Variants in COX16 observed in about 807,000 individuals in gnomAD.
COX16 encodes the protein cytochrome c oxidase assembly factor COX16.
COX16 carries 12 observed loss-of-function variants against 15.4 expected under a neutral mutation model. The observed-to-expected ratio is 0.78, with a 90% confidence interval of 0.50 to 1.26. The LOEUF (loss-of-function observed/expected upper bound fraction) is 1.26. Ranked by LOEUF, COX16 falls within the 50% of genes most tolerant of loss-of-function variation. COX16 has a pLI of 0.00. For missense variants in COX16, 124 were observed against 127.6 expected (o/e 0.97, Z 0.14); for synonymous variants, 46 against 41.1 (o/e 1.12, Z -0.46).
intron 2 of COX16, among the ~76,000 whole-genome samples, chr14:70,340,546 G>A (rs1886594384): frequency 2.6e-5 from 4 of 152,046 alleles, no homozygotes; most frequent in South Asian, 4.2e-4. Flanking sequence ...ATTATTGCTG[G>A]AACTCATTAA....
chr14:70,355,178 T>G (rs1887089494), intron 1 of COX16, among the ~76,000 whole-genome samples: 1 of 152,226 alleles, frequency 6.6e-6, no homozygotes, highest in East Asian at 1.9e-4. Flanking sequence ...CTACTCTCTC[T>G]TAGATCCATT....
intron 2 of COX16, among the ~76,000 whole-genome samples, chr14:70,336,893 G>T (rs1173638260): frequency 2.6e-5 from 4 of 152,074 alleles, no homozygotes; most frequent in African/African-American, 9.7e-5. Flanking sequence ...AAAGTAATTT[G>T]CAAAACAAAA....
Position 70,325,826 on chromosome 14 carries a change from A to G in COX16, c.*507T>C, listed in dbSNP as rs1886050565. 6.6e-6 allele frequency: 1 copy of G among 152,180 alleles called. No individual in the cohort carries two copies. Among genetic ancestry groups the G allele is most frequent in the African/African-American group, 2.4e-5 (1 of 41,422 alleles). The allele number at this position is 152,180 out of a possible 1,614,324, so 9.4% of individuals were successfully genotyped here. A position where few individuals can be genotyped will look rare whatever the true frequency, so the allele number is the denominator to read the frequency against. On this transcript the variant is annotated 3_prime_UTR_variant, in exon 4 of 4. Transcript: ENST00000389912. ...TGCTTTGGAGACTGATTATCATACT[A>G]TGTGAGGCATTACAAAGAAAATCAA...
intron 1 of COX16, among the ~76,000 whole-genome samples, chr14:70,352,423 G>C (rs1048164014): frequency 1.2e-4 from 19 of 152,034 alleles, no homozygotes. Context: ...CTGGGCTCAA[G>C]TGATCCACCC....
intron 2 of COX16, among the ~76,000 whole-genome samples, chr14:70,335,250 T>C (rs959168275): frequency 4.6e-5 from 7 of 152,104 alleles, no homozygotes; most frequent in African/African-American, 1.7e-4. Flanking sequence ...TACATAATAT[T>C]GGGGGATTTC....
chr14:70,354,869 G>C (rs1045287847), intron 1 of COX16, among the ~76,000 whole-genome samples: 1 of 113,448 alleles, frequency 8.8e-6, no homozygotes, highest in African/African-American at 3.9e-5. Context: ...TGTGGTGTTT[G>C]AATTGCACTG....
At chr14:70,336,313 C>G (rs1471671412) in intron 2 of COX16, among the ~76,000 whole-genome samples, 1 of 151,978 alleles carries the variant, frequency 6.6e-6, no homozygotes, top group Non-Finnish European at 1.5e-5. Flanking sequence ...ATGCTAGGGC[C>G]AAGAGGAAGA....
intron 1 of COX16, 47 bp downstream of exon 1, chr14:70,359,469 CAAG>C (rs1392518569): frequency 3.3e-6 from 5 of 1,523,528 alleles, no homozygotes; most frequent in Non-Finnish European, 4.6e-6. Flanking sequence ...TTGATCCTGC[CAAG>C]GAGGAGGGTC....
In COX16 at chr14:70,346,595, G is replaced by A. The variant is rs575106968; in HGVS notation, c.70-3866C>T. 3.3e-5 allele frequency among the ~76,000 whole-genome samples: 5 copies of A among 152,306 alleles called. No homozygotes were observed. The East Asian group carries it at 7.7e-4, about 23-fold the overall frequency. ...ATTGGCCTTGCCGCTGAAGATTGAT[G>A]GTGCCCTGGAATGGATGCCCCGGCA... On this transcript the variant is annotated intron_variant, in intron 1 of 3. Coordinates refer to ENST00000389912, the MANE Select transcript of COX16 (RefSeq NM_016468.7).
chr14:70,329,057 G>C lies in COX16; in HGVS notation c.204+117C>G. 4.3e-6 allele frequency: 3 copies of C among 702,616 alleles called. No homozygotes were observed. The South Asian group carries it at 9.7e-5, about 23-fold the overall frequency. The allele number at this position is 702,616 out of a possible 1,614,324, so 43.5% of individuals were successfully genotyped here. A position where few individuals can be genotyped will look rare whatever the true frequency, so the allele number is the denominator to read the frequency against. On this transcript the variant is annotated intron_variant, in intron 3 of 3. Coordinates refer to ENST00000389912, the MANE Select transcript of COX16 (RefSeq NM_016468.7). Reference sequence around the variant, plus strand: ...TTTATTTGCTTTTCAAATGATTATAGTTTATCAAATACCATATATATTCAA... The same window carrying C: ...TTTATTTGCTTTTCAAATGATTATACTTTATCAAATACCATATATATTCAA...
chr14:70,333,397 AAATC>A (rs1432673386), intron 2 of COX16, among the ~76,000 whole-genome samples: 1 of 152,238 alleles, frequency 6.6e-6, no homozygotes, highest in African/African-American at 2.4e-5. Flanking sequence ...AATTTTTTAA[AAATC>A]AAACAGAAAT....
intron 3 of COX16, 123 bp from the exon 4 acceptor site, chr14:70,326,572 G>C (rs529546012): frequency 3.4e-6 from 2 of 581,994 alleles, no homozygotes; most frequent in South Asian, 1.2e-4. Flanking sequence ...GATTACAACT[G>C]TAGCAAATAA....
intron 3 of COX16, among the ~76,000 whole-genome samples, chr14:70,328,456 G>T (rs1247655712): frequency 1.3e-5 from 2 of 152,032 alleles, no homozygotes; most frequent in African/African-American, 4.8e-5. Flanking sequence ...TCAAAAAAAT[G>T]ACAAACTCAA....
chr14:70,333,008 G>A (rs1305499230), intron 2 of COX16, among the ~76,000 whole-genome samples: 1 of 152,138 alleles, frequency 6.6e-6, no homozygotes, highest in African/African-American at 2.4e-5. Context: ...TGGGCTTTGG[G>A]CACTCTCTAG....
At position 70,342,616 on chromosome 14, in the gene COX16, C is replaced by T; in HGVS notation, c.141+42G>A. ...TACAATTCTCCTAAACCAGAACATA[C>T]ATATAGACAGACACATGTCAAACTC... On this transcript the variant is annotated intron_variant, in intron 2 of 3. Coordinates refer to ENST00000389912, the MANE Select transcript of COX16 (RefSeq NM_016468.7). 2.5e-6 allele frequency: 4 copies of T among 1,593,940 alleles called. No homozygotes were observed. The South Asian group carries it at 3.5e-5, about 14-fold the overall frequency.
At chr14:70,326,914 A>AAAAG (rs1886097861) in intron 3 of COX16, among the ~76,000 whole-genome samples, 1 of 152,250 alleles carries the variant, frequency 6.6e-6, no homozygotes, top group Admixed American at 6.5e-5. Flanking sequence ...CTTAGGAATG[A>AAAAG]AAAGACTTTC....
chr14:70,335,918 G>T (rs370762158), intron 2 of COX16, among the ~76,000 whole-genome samples: 23 of 152,116 alleles, frequency 1.5e-4, no homozygotes, highest in African/African-American at 5.3e-4. Context: ...CAAAGGTTTT[G>T]GGATGTATTC....
intron 2 of COX16, among the ~76,000 whole-genome samples, chr14:70,338,529 T>C (rs376913176): frequency 1.3e-5 from 2 of 152,234 alleles, no homozygotes; most frequent in Admixed American, 1.3e-4. Context: ...GCACGATCCT[T>C]GGTAAAATTT....
At chr14:70,359,422 C>G in intron 1 of COX16, 97 bp downstream of exon 1, 1 of 1,126,086 alleles carries the variant, frequency 8.9e-7, no homozygotes, top group Non-Finnish European at 1.3e-6. Context: ...CGAGTGCCAG[C>G]CCTTAACTTC....
Sources: gnomAD v4.1 joint callset for allele counts (sites outside exome capture counted in the v4.1 genomes callset) on GRCh38, gnomAD v4.1.1 for gene constraint, MANE v1.5 for transcripts, NCBI Gene and HGNC (gene_info 2026-07-23, HGNC 2026-07-21) for gene names.